Variants in FRAS1 observed in about 807,000 individuals in gnomAD.
FRAS1 encodes extracellular matrix organizing protein FRAS1.
FRAS1 carries 290 observed loss-of-function variants against 435.2 expected under a neutral mutation model. The observed-to-expected ratio is 0.67, with a 90% confidence interval of 0.61 to 0.73. The LOEUF (loss-of-function observed/expected upper bound fraction) is 0.73. Among genes scored for constraint, FRAS1 ranks in the 30% least tolerant of loss-of-function variants. The pLI is 0.00. For synonymous variants in FRAS1, 1,800 were observed against 1,851.0 expected (o/e 0.97, Z 0.71); for missense variants, 4,860 against 5,001.5 (o/e 0.97, Z 0.85).
At chr4:78,520,237 G>C (rs1721344398) in intron 67 of FRAS1, among the ~76,000 whole-genome samples, 1 of 144,760 alleles carries the variant, frequency 6.9e-6, no homozygotes, top group Non-Finnish European at 1.5e-5. Flanking sequence ...AATCGTTCTT[G>C]GTTATTTTTG....
chr4:78,404,861 G>A (rs936512857), intron 30 of FRAS1, among the ~76,000 whole-genome samples: 7 of 152,104 alleles, frequency 4.6e-5, no homozygotes, highest in African/African-American at 1.7e-4. Context: ...CCCTTTAACA[G>A]GACCTTCAAC....
At chr4:78,376,858 A>G (rs1427527440) in intron 26 of FRAS1, among the ~76,000 whole-genome samples, 1 of 151,940 alleles carries the variant, frequency 6.6e-6, no homozygotes, top group Non-Finnish European at 1.5e-5. Context: ...AGGCACAGTA[A>G]TGAACGCCTG....
intron 31 of FRAS1, among the ~76,000 whole-genome samples, chr4:78,410,395 G>GA (rs1285343141): frequency 6.8e-6 from 1 of 147,726 alleles, no homozygotes; most frequent in Non-Finnish European, 1.5e-5. Flanking sequence ...GCCATATATG[G>GA]AAAAAAATAA....
chr4:78,478,988 C>G (rs1719932883), intron 55 of FRAS1, among the ~76,000 whole-genome samples: 2 of 152,160 alleles, frequency 1.3e-5, no homozygotes. Flanking sequence ...GAAGTTTATT[C>G]AGAAAGGCAG....
At chr4:78,113,198 A>G (rs1055345625) in intron 2 of FRAS1, among the ~76,000 whole-genome samples, 13 of 151,990 alleles carry the variant, frequency 8.6e-5, no homozygotes, top group Admixed American at 5.3e-4. Flanking sequence ...TGGTATATAT[A>G]TTCCACATTT....
intron 20 of FRAS1, among the ~76,000 whole-genome samples, chr4:78,341,808 T>G (rs1014265420): frequency 1.3e-5 from 2 of 152,000 alleles, no homozygotes; most frequent in Non-Finnish European, 2.9e-5. Flanking sequence ...TTGGCCAAGC[T>G]CAATTTGGGG....
chr4:78,169,958 G>A (rs1016488562), intron 2 of FRAS1, among the ~76,000 whole-genome samples: 1 of 152,132 alleles, frequency 6.6e-6, no homozygotes, highest in Non-Finnish European at 1.5e-5. Flanking sequence ...GGATGAGATA[G>A]TAATATTGAT....
intron 19 of FRAS1, among the ~76,000 whole-genome samples, chr4:78,334,372 T>TTC (rs1435508445): frequency 2.0e-5 from 2 of 98,156 alleles, no homozygotes; most frequent in African/African-American, 7.9e-5. Flanking sequence ...TCTTTTTTTT[T>TTC]TTTTTTTTTT....
chr4:78,097,204 A>G (rs57539827), intron 2 of FRAS1, among the ~76,000 whole-genome samples: 9,334 of 152,200 alleles, frequency 0.061, 777 homozygotes, highest in African/African-American at 0.19. Flanking sequence ...TCTCATCTCT[A>G]TCTGAGACCA....
At chr4:78,173,428 G>T (rs568874506) in intron 2 of FRAS1, among the ~76,000 whole-genome samples, 1 of 152,232 alleles carries the variant, frequency 6.6e-6, no homozygotes, top group South Asian at 2.1e-4. Context: ...GAGGAGTCTT[G>T]TCACCTCCCG....
chr4:78,236,088 T>A (rs1157671415), intron 2 of FRAS1, among the ~76,000 whole-genome samples: 3 of 152,166 alleles, frequency 2.0e-5, no homozygotes, highest in Non-Finnish European at 2.9e-5. Flanking sequence ...AAGAAGCTTC[T>A]TGGTTGCAAA....
Position 78,332,262 on chromosome 4 carries a change from C to G in FRAS1, c.2138-1010C>G, listed in dbSNP as rs78663807. On this transcript the variant is annotated intron_variant, in intron 18 of 73. Coordinates refer to ENST00000512123, the MANE Select transcript of FRAS1 (RefSeq NM_025074.7). ...TGCTCCCAAGGAAATCATTTACTAT[C>G]TCCAGGAATGTAGCCCCGGGAGGGC... Among the ~76,000 whole-genome samples the G allele has an allele frequency of 3.8e-3, 581 of 152,242 alleles. 4 individuals are homozygous for G. The highest frequency in any genetic ancestry group is 0.013 in the African/African-American group (560 of 41,530).
chr4:78,105,213 T>C (rs1042386097), intron 2 of FRAS1, among the ~76,000 whole-genome samples: 9 of 152,190 alleles, frequency 5.9e-5, no homozygotes, highest in Non-Finnish European at 1.2e-4. Flanking sequence ...AAATGTTTAA[T>C]GGGAATACTT....
chr4:78,296,027 A>G (rs1406215226), intron 14 of FRAS1, among the ~76,000 whole-genome samples: 7 of 151,900 alleles, frequency 4.6e-5, no homozygotes, highest in Non-Finnish European at 1.0e-4. Context: ...TGCTGGGATT[A>G]CAGGCACAAG....
Position 78,374,136 on chromosome 4 carries a change from C to T in FRAS1, c.3036C>T (p.Cys1012=). The part of the protein sequence containing the change: ...CKNCDSYCLQ[C]QGPHECTRCK... ...ACTGTGACAGCTACTGTCTCCAGTG[C>T]CAAGGTCCCCATGAGTGTACCCGCT... Residue 1012 remains cysteine, a synonymous_variant, in exon 25 of 74, where the codon TGC becomes TGT. Coordinates refer to ENST00000512123, the MANE Select transcript of FRAS1 (RefSeq NM_025074.7). 1 of 1,597,256 alleles carries T rather than the reference C, an allele frequency of 6.3e-7. No individual in the cohort carries two copies. The highest frequency in any genetic ancestry group is 8.6e-7 in the Non-Finnish European group (1 of 1,167,634).
intron 11 of FRAS1, among the ~76,000 whole-genome samples, chr4:78,281,981 A>C (rs1727352940): frequency 6.6e-6 from 1 of 152,202 alleles, no homozygotes; most frequent in South Asian, 2.1e-4. Flanking sequence ...TGCCTTCTCA[A>C]GATAGTATTG....
At chr4:78,295,203 A>AG (rs1247135252) in intron 14 of FRAS1, among the ~76,000 whole-genome samples, 1 of 152,228 alleles carries the variant, frequency 6.6e-6, no homozygotes, top group African/African-American at 2.4e-5. Flanking sequence ...TGTAACCATG[A>AG]TGTAAACATT....
At chr4:78,395,839 T>C (rs1732635832) in intron 29 of FRAS1, among the ~76,000 whole-genome samples, 1 of 152,132 alleles carries the variant, frequency 6.6e-6, no homozygotes, top group Admixed American at 6.5e-5. Flanking sequence ...TTGGAGAATT[T>C]AATCCATTTA....
chr4:78,511,726 A>G (rs1162327107), intron 64 of FRAS1, among the ~76,000 whole-genome samples: 1 of 152,194 alleles, frequency 6.6e-6, no homozygotes, highest in Non-Finnish European at 1.5e-5. Context: ...CGGCCATTCC[A>G]ACCACAAGGA....
Sources: gnomAD v4.1 joint callset for allele counts (sites outside exome capture counted in the v4.1 genomes callset) on GRCh38, gnomAD v4.1.1 for gene constraint, MANE v1.5 for transcripts, NCBI Gene and HGNC (gene_info 2026-07-23, HGNC 2026-07-21) for gene names.